AP3B1: variants seen among roughly 807,000 people sequenced by gnomAD.
AP3B1 encodes the protein adaptor related protein complex 3 subunit beta 1, also known as AP-3 complex subunit beta-1.
A neutral mutation model predicts 132.5 loss-of-function variants in AP3B1; 61 were observed. That is an observed-to-expected ratio of 0.46 (90% CI 0.37 to 0.57). AP3B1 has a LOEUF of 0.57. AP3B1 is among the 20% of genes least tolerant of loss of function. The pLI, the probability that AP3B1 is intolerant of heterozygous loss-of-function variation, is 0.00. For synonymous variants in AP3B1, 388 were observed against 438.3 expected (o/e 0.89, Z 1.43); for missense variants, 1,120 against 1,289.4 (o/e 0.87, Z 2.01).
At chr5:78,261,579 C>G (rs1225846861) in intron 2 of AP3B1, among the ~76,000 whole-genome samples, 1 of 152,158 alleles carries the variant, frequency 6.6e-6, no homozygotes, top group Non-Finnish European at 1.5e-5. Flanking sequence ...AATTCTCCTT[C>G]CTCAGTCTCT....
intron 7 of AP3B1, among the ~76,000 whole-genome samples, chr5:78,195,744 C>T (rs921378508): frequency 6.6e-5 from 10 of 152,040 alleles, no homozygotes; most frequent in African/African-American, 2.2e-4. Flanking sequence ...TGCTTGAACC[C>T]GGGAGGTGGA....
intron 1 of AP3B1, among the ~76,000 whole-genome samples, chr5:78,286,767 T>C (rs1409061651): frequency 2.0e-5 from 3 of 152,190 alleles, no homozygotes; most frequent in African/African-American, 7.2e-5. Context: ...GCAATATAAA[T>C]AATCAGTCCA....
At chr5:78,018,543 T>C (rs1236934771) in intron 25 of AP3B1, among the ~76,000 whole-genome samples, 1 of 152,068 alleles carries the variant, frequency 6.6e-6, no homozygotes, top group African/African-American at 2.4e-5. Flanking sequence ...TTATTTATAA[T>C]TTTTTCAGTT....
At chr5:78,219,645 A>G (rs1746099568) in intron 6 of AP3B1, among the ~76,000 whole-genome samples, 1 of 152,076 alleles carries the variant, frequency 6.6e-6, no homozygotes, top group Non-Finnish European at 1.5e-5. Flanking sequence ...GGAAAAAACT[A>G]TTCATATGAC....
At chr5:78,014,094 C>A (rs797021358) in intron 26 of AP3B1, among the ~76,000 whole-genome samples, 2 of 152,122 alleles carry the variant, frequency 1.3e-5, no homozygotes, top group South Asian at 4.2e-4. Context: ...ACCCGGGAGG[C>A]GGAGCTTGCA....
chr5:78,005,788 G>C (rs1236884390), intron 26 of AP3B1, among the ~76,000 whole-genome samples: 1 of 152,052 alleles, frequency 6.6e-6, no homozygotes, highest in South Asian at 2.1e-4. Flanking sequence ...TTTGGCCCTC[G>C]GAAGGCAAAA....
chr5:78,181,438 A>G (rs1744363035), intron 8 of AP3B1, 69 bp downstream of exon 8: 1 of 1,457,308 alleles, frequency 6.9e-7, no homozygotes, highest in African/African-American at 1.4e-5. Flanking sequence ...TCACTTACTA[A>G]ATTGAGATAT....
Position 78,128,235 on chromosome 5 carries a change from C to G in AP3B1, c.1838-75G>C, listed in dbSNP as rs533908010. The G allele has an allele frequency of 3.0e-6, 4 of 1,338,894 alleles. No homozygotes were observed. The African/African-American group carries it at 4.4e-5, about 15-fold the overall frequency. The allele number at this position is 1,338,894 out of a possible 1,614,324, so 82.9% of individuals were successfully genotyped here. ...ACAGAGAACAATCATAATCAGAGCT[C>G]AAGGTAATTGGCATATTACCTCAAA... is the stretch of plus-strand genomic sequence containing the variant. On this transcript the variant is annotated intron_variant, in intron 16 of 26. Coordinates refer to ENST00000255194, the MANE Select transcript of AP3B1 (RefSeq NM_003664.5).
chr5:78,226,761 A>G (rs1340287331), intron 5 of AP3B1, among the ~76,000 whole-genome samples: 1 of 152,118 alleles, frequency 6.6e-6, no homozygotes, highest in African/African-American at 2.4e-5. Flanking sequence ...AATAATACCA[A>G]ATTGTTGTAG....
chr5:78,033,801 C>A (rs1747680449), intron 24 of AP3B1, among the ~76,000 whole-genome samples: 1 of 151,750 alleles, frequency 6.6e-6, no homozygotes, highest in South Asian at 2.1e-4. Context: ...CTCTTCTGAA[C>A]AGCATTCAGC....
intron 17 of AP3B1, among the ~76,000 whole-genome samples, chr5:78,126,083 A>G (rs887589010): frequency 4.0e-5 from 6 of 149,538 alleles, no homozygotes; most frequent in African/African-American, 1.0e-4. Context: ...CATGTACCCC[A>G]TAATGAAAAA....
rs562109741 is a variant in AP3B1 at position 78,087,786 on chromosome 5, A to C, written c.2577+1607T>G. 1.0e-5 allele frequency: 7 copies of C among 701,116 alleles called. 1 individual carries two copies. In the South Asian group the frequency reaches 2.0e-4, roughly 20 times the overall value. The allele number at this position is 701,116 out of a possible 1,614,324, so 43.4% of individuals were successfully genotyped here. On this transcript the variant is annotated intron_variant, in intron 22 of 26. Transcript: ENST00000255194. Reference sequence around the variant, plus strand: ...TTCTAATCTCAACTGCTTTCTTCTTATTATTAATAAAGTAGAAGAGTCTAC... The same window carrying C: ...TTCTAATCTCAACTGCTTTCTTCTTCTTATTAATAAAGTAGAAGAGTCTAC...
Position 78,034,459 on chromosome 5 carries a change from T to C in AP3B1, c.2810-14A>G, listed in dbSNP as rs1384457558. 1 of 1,580,616 alleles carries C rather than the reference T, an allele frequency of 6.3e-7. No homozygotes were observed. The highest frequency in any genetic ancestry group is 1.1e-5 in the South Asian group (1 of 90,354). ...GCTCAAGAGAGTCTAGGAAATAAGA[T>C]AATTTAGACATGAAAACACAGAGGA... On this transcript the variant is annotated splice_polypyrimidine_tract_variant and intron_variant, in intron 23 of 26. Coordinates refer to ENST00000255194, the MANE Select transcript of AP3B1 (RefSeq NM_003664.5).
At chr5:78,175,535 C>G in intron 11 of AP3B1, 91 bp downstream of exon 11, 1 of 922,706 alleles carries the variant, frequency 1.1e-6, no homozygotes, top group African/African-American at 1.7e-5. Flanking sequence ...TTTTGAAAAG[C>G]AGGACTGCAT....
At chr5:78,228,587 G>A (rs925431303) in intron 3 of AP3B1, among the ~76,000 whole-genome samples, 10 of 152,220 alleles carry the variant, frequency 6.6e-5, no homozygotes, top group Non-Finnish European at 1.3e-4. Context: ...CAGGCATGGC[G>A]TACATGCTTG....
At chr5:78,119,248 A>G (rs558048035) in intron 17 of AP3B1, among the ~76,000 whole-genome samples, 1 of 152,292 alleles carries the variant, frequency 6.6e-6, no homozygotes, top group South Asian at 2.1e-4. Flanking sequence ...GAAAAAACAG[A>G]GCAGAGAAAC....
rs577604377 is a variant in AP3B1 at position 78,156,304 on chromosome 5, T to A, written c.1427A>T (p.His476Leu). 8 of 1,613,722 alleles carry A rather than the reference T, an allele frequency of 5.0e-6. No individual in the cohort carries two copies. Among genetic ancestry groups the A allele is most frequent in the Non-Finnish European group, 6.8e-6 (8 of 1,179,888 alleles). ...GGCCATATGTTTAATAATTTCACCATGTTGTGCAGGTTGCATTTGCAGTAA... is the reference window on the plus strand; with the variant it reads ...GGCCATATGTTTAATAATTTCACCAAGTTGTGCAGGTTGCATTTGCAGTAA... ...KKLLQMQPAQ[H>L]GEIIKHMAKL... Residue 476 changes from histidine (H) to leucine (L), a missense_variant, in exon 14 of 27, where the codon CAT (histidine) becomes CTT (leucine). Physicochemically the swap from His to Leu is moderately conservative, Grantham distance 99. Coordinates refer to ENST00000255194, the MANE Select transcript of AP3B1 (RefSeq NM_003664.5).
intron 6 of AP3B1, among the ~76,000 whole-genome samples, chr5:78,219,648 C>G (rs558654097): frequency 1.3e-5 from 2 of 151,976 alleles, no homozygotes; most frequent in African/African-American, 4.8e-5. Flanking sequence ...AAAAACTATT[C>G]ATATGACACA....
intron 22 of AP3B1, among the ~76,000 whole-genome samples, chr5:78,072,282 G>T (rs1749571753): frequency 6.6e-6 from 1 of 152,092 alleles, no homozygotes; most frequent in Non-Finnish European, 1.5e-5. Context: ...AACAGATAAA[G>T]ATTTTGAAAG....
Sources: allele counts gnomAD v4.1 joint callset (sites outside exome capture counted in the v4.1 genomes callset), GRCh38; gene constraint gnomAD v4.1.1; transcripts MANE v1.5; gene names NCBI Gene and HGNC (gene_info 2026-07-23, HGNC 2026-07-21).